Variants in VANGL1 observed in about 807,000 individuals in gnomAD.
VANGL1 encodes the protein VANGL planar cell polarity protein 1.
A neutral mutation model predicts 48.4 loss-of-function variants in VANGL1; 18 were observed. The ratio of observed to expected loss-of-function variants is 0.37; its 90% CI spans 0.26 to 0.55. The LOEUF (loss-of-function observed/expected upper bound fraction) is 0.55. Among genes scored for constraint, VANGL1 ranks in the 20% least tolerant of loss-of-function variants. The pLI, the probability that VANGL1 is intolerant of heterozygous loss-of-function variation, is 0.81. For synonymous variants in VANGL1, 257 were observed against 261.8 expected, an observed-to-expected ratio of 0.98 and a Z score of 0.18; for missense variants, 667 against 675.8, an observed-to-expected ratio of 0.99 and a Z score of 0.14.
chr1:115,678,534 C>T (rs1405360474), intron 4 of VANGL1, among the ~76,000 whole-genome samples: 4 of 152,216 alleles, frequency 2.6e-5, no homozygotes, highest in Admixed American at 2.6e-4. Flanking sequence ...TGGCCTCCAC[C>T]TCCTGATGGA....
intron 3 of VANGL1, among the ~76,000 whole-genome samples, chr1:115,663,055 G>A (rs1019443682): frequency 1.3e-5 from 2 of 152,288 alleles, no homozygotes; most frequent in South Asian, 2.1e-4. Context: ...AAAGTACGGG[G>A]ATTACAGGTG....
At chr1:115,679,943 G>A (rs1302373653) in intron 4 of VANGL1, among the ~76,000 whole-genome samples, 1 of 150,954 alleles carries the variant, frequency 6.6e-6, no homozygotes, top group Non-Finnish European at 1.5e-5. Context: ...TCCAGAAAAG[G>A]CATGCACAGG....
chr1:115,663,712 A>G lies in VANGL1; in HGVS notation c.256A>G (p.Ser86Gly), dbSNP rs771546813. Residue 86 changes from serine (S) to glycine (G), a missense_variant, in exon 4 of 8, where the codon AGC (serine) becomes GGC (glycine). Physicochemically the swap from Ser to Gly is moderately conservative, Grantham distance 56. Transcript: ENST00000355485. ...GGCCATCACAGGCACCTCGGAGCAC[A>G]GCATATCCCAAGAGGACATTGCCAG... ...TTAITGTSEH[S>G]ISQEDIARIS... is the part of the protein sequence containing the mutation. 5.6e-6 allele frequency: 9 copies of G among 1,614,224 alleles called. No individual in the cohort carries two copies. The highest frequency in any genetic ancestry group is 7.6e-6 in the Non-Finnish European group (9 of 1,180,038).
chr1:115,659,537 G>GTT, intron 2 of VANGL1, 104 bp from the exon 3 acceptor site: 1 of 1,294,470 alleles, frequency 7.7e-7, no homozygotes, highest in East Asian at 2.4e-5. Flanking sequence ...GTGTGTGTGT[G>GTT]TGTATGTAGA....
chr1:115,697,563 T>TA lies in VANGL1; in HGVS notation c.*6186dup, dbSNP rs1317146422. On this transcript the variant is annotated 3_prime_UTR_variant, in exon 8 of 8. Transcript: ENST00000355485. ...GGGGGCAGATACTGGCTCAGTGATTTAACTCACATTATAGATGACCCCTTC... is the reference window on the plus strand; with the variant it reads ...GGGGGCAGATACTGGCTCAGTGATTTAAACTCACATTATAGATGACCCCTTC... 1 of 152,202 alleles carries TA rather than the reference T, an allele frequency of 6.6e-6. No homozygotes were observed. The highest frequency in any genetic ancestry group is 2.4e-5 in the African/African-American group (1 of 41,446). 9.4% of individuals were successfully genotyped at this position (152,202 alleles called of 1,614,324 possible).
At position 115,691,264 on chromosome 1, in the gene VANGL1, A is replaced by C; in HGVS notation, c.1460A>C (p.Asp487Ala). 1 of 1,614,058 alleles carries C rather than the reference A, an allele frequency of 6.2e-7. No homozygotes were observed. The highest frequency in any genetic ancestry group is 8.5e-7 in the Non-Finnish European group (1 of 1,180,022). ...DGIVFVLKCL[D>A]FSLVVNVKKI... ...ATTGTGTTCGTCCTTAAGTGCTTGG[A>C]CTTCAGCCTCGTAGTCAATGTGAAG... Residue 487 changes from aspartate to alanine, a missense_variant, in exon 8 of 8, where the codon GAC becomes GCC. Coordinates refer to ENST00000355485, the MANE Select transcript of VANGL1 (RefSeq NM_138959.3).
rs537193358 is a variant in VANGL1 at position 115,670,787 on chromosome 1, G to T, written c.812+6519G>T. On this transcript the variant is annotated intron_variant, in intron 4 of 7. Coordinates refer to ENST00000355485, the MANE Select transcript of VANGL1 (RefSeq NM_138959.3). ...CTCATTTTTAGAAATGTGTGTTTTT[G>T]TACTCCTGTAATTACTTTTTAATAA... Among the ~76,000 whole-genome samples, 6 of 152,276 alleles carry T rather than the reference G, an allele frequency of 3.9e-5. No homozygotes were observed. In the East Asian group the frequency reaches 9.6e-4, roughly 24 times the overall value.
At chr1:115,668,213 A>G (rs1407710033) in intron 4 of VANGL1, among the ~76,000 whole-genome samples, 2 of 152,226 alleles carry the variant, frequency 1.3e-5, no homozygotes, top group Non-Finnish European at 2.9e-5. Context: ...CTCTGAATAG[A>G]TAGTTGCATG....
intron 4 of VANGL1, among the ~76,000 whole-genome samples, chr1:115,676,886 C>A (rs1653186913): frequency 6.6e-6 from 1 of 152,178 alleles, no homozygotes; most frequent in Non-Finnish European, 1.5e-5. Flanking sequence ...ATTTTGGAGC[C>A]CACTTATCAT....
intron 2 of VANGL1, among the ~76,000 whole-genome samples, chr1:115,658,971 A>C (rs1174523886): frequency 1.3e-5 from 2 of 151,510 alleles, no homozygotes; most frequent in Non-Finnish European, 1.5e-5. Context: ...AAACACACAC[A>C]CATCCACCCA....
intron 4 of VANGL1, among the ~76,000 whole-genome samples, chr1:115,671,891 C>G (rs1042112616): frequency 1.3e-5 from 2 of 152,244 alleles, no homozygotes; most frequent in South Asian, 2.1e-4. Context: ...TCATCCATAA[C>G]TGGCTCAGCT....
chr1:115,688,265 T>G (rs1484224943), intron 7 of VANGL1, among the ~76,000 whole-genome samples: 4 of 138,802 alleles, frequency 2.9e-5, no homozygotes, highest in Admixed American at 1.5e-4. Context: ...TAGCTACGTC[T>G]TATTCTACCA....
rs59788048 is a variant in VANGL1 at position 115,678,910 on chromosome 1, C to T, written c.813-3454C>T. 2.7e-5 allele frequency among the ~76,000 whole-genome samples: 4 copies of T among 150,420 alleles called. No homozygotes were observed. The South Asian group carries it at 8.4e-4, about 32-fold the overall frequency. Reference sequence around the variant, plus strand: ...TGGAGGTTGCAGTGAGCCGAGATTGCGCCACTGCACTCCAGCCTGGGTGAC... The same window carrying T: ...TGGAGGTTGCAGTGAGCCGAGATTGTGCCACTGCACTCCAGCCTGGGTGAC... On this transcript the variant is annotated intron_variant, in intron 4 of 7. Transcript: ENST00000355485.
At chr1:115,688,836 A>C (rs12064099) in intron 7 of VANGL1, among the ~76,000 whole-genome samples, 26,936 of 128,014 alleles carry the variant, frequency 0.21, 6,612 homozygotes, top group African/African-American at 0.29. Flanking sequence ...GTCACCCAGG[A>C]TGGAGTGCAG....
intron 7 of VANGL1, among the ~76,000 whole-genome samples, chr1:115,686,131 C>A (rs1653607291): frequency 6.6e-6 from 1 of 151,932 alleles, no homozygotes; most frequent in Non-Finnish European, 1.5e-5. Context: ...TACACAACAA[C>A]CCTGTCAGAG....
At chr1:115,648,241 A>T (rs535014136) in intron 1 of VANGL1, among the ~76,000 whole-genome samples, 1 of 152,334 alleles carries the variant, frequency 6.6e-6, no homozygotes, top group Admixed American at 6.5e-5. Context: ...TAATAAATGA[A>T]ATAAAAAGCA....
chr1:115,674,640 T>C (rs1653098074), intron 4 of VANGL1, among the ~76,000 whole-genome samples: 1 of 152,204 alleles, frequency 6.6e-6, no homozygotes, highest in Admixed American at 6.5e-5. Context: ...AGAAGTACTT[T>C]GACATTTTCC....
At chr1:115,678,105 G>C (rs1479419130) in intron 4 of VANGL1, among the ~76,000 whole-genome samples, 1 of 152,254 alleles carries the variant, frequency 6.6e-6, no homozygotes, top group Admixed American at 6.5e-5. Flanking sequence ...CGTGTCCCCT[G>C]TGTGTCAGGG....
chr1:115,662,786 ATTTTTTTT>A, intron 3 of VANGL1, among the ~76,000 whole-genome samples: 1 of 137,594 alleles, frequency 7.3e-6, no homozygotes, highest in Non-Finnish European at 1.6e-5. Flanking sequence ...TCATAAGGAG[ATTTTTTTT>A]TTTTTTTTTT....
Sources: allele counts gnomAD v4.1 joint callset (sites outside exome capture counted in the v4.1 genomes callset), GRCh38; gene constraint gnomAD v4.1.1; transcripts MANE v1.5; gene names NCBI Gene and HGNC (gene_info 2026-07-23, HGNC 2026-07-21).